SLC15A3: variants seen among roughly 807,000 people sequenced by gnomAD.
SLC15A3 encodes the protein solute carrier family 15 member 3.
Under a neutral mutation model 49.2 loss-of-function variants are expected in SLC15A3, and 39 were observed. The ratio of observed to expected loss-of-function variants is 0.79; its 90% CI spans 0.61 to 1.04. The LOEUF (loss-of-function observed/expected upper bound fraction) is 1.04, where lower values mean the gene tolerates loss of function less well. SLC15A3 is among the 50% of genes least tolerant of loss of function. SLC15A3 has a pLI of 0.00. For synonymous variants in SLC15A3, 339 were observed against 367.0 expected, an observed-to-expected ratio of 0.92 and a Z score of 0.87; for missense variants, 758 against 794.8, an observed-to-expected ratio of 0.95 and a Z score of 0.56.
intron 5 of SLC15A3, chr11:60,940,190 C>T: frequency 6.4e-6 from 1 of 156,074 alleles, no homozygotes; most frequent in Non-Finnish European, 1.4e-5. Context: ...TAGCTGTGCT[C>T]TAGTGGAATG....
At chr11:60,949,552 G>GAAAGAAAC (rs1856873081) in intron 1 of SLC15A3, among the ~76,000 whole-genome samples, 1 of 76,968 alleles carries the variant, frequency 1.3e-5, no homozygotes, top group African/African-American at 2.8e-5. Flanking sequence ...AAGAAAGAAA[G>GAAAGAAAC]AAAGAAAGAA....
intron 1 of SLC15A3, among the ~76,000 whole-genome samples, chr11:60,947,237 T>A (rs933651783): frequency 6.6e-6 from 1 of 152,066 alleles, no homozygotes; most frequent in Non-Finnish European, 1.5e-5. Context: ...TGGAGTGCAG[T>A]GGCACAATCT....
chr11:60,950,083 C>G (rs1289567526), intron 1 of SLC15A3, among the ~76,000 whole-genome samples: 1 of 152,152 alleles, frequency 6.6e-6, no homozygotes, highest in African/African-American at 2.4e-5. Context: ...CAAGGGGGAA[C>G]GGAGAAAGGC....
intron 7 of SLC15A3, 100 bp from the exon 8 acceptor site, chr11:60,937,473 T>C: frequency 2.0e-6 from 3 of 1,487,850 alleles, no homozygotes; most frequent in Non-Finnish European, 1.9e-6. Context: ...ACTGAGGCCA[T>C]GTGGGCAGTG....
intron 2 of SLC15A3, among the ~76,000 whole-genome samples, chr11:60,945,194 C>A (rs1017946074): frequency 7.9e-5 from 12 of 152,080 alleles, no homozygotes; most frequent in Admixed American, 3.3e-4. Flanking sequence ...CCTCTTGGAA[C>A]CCTCACACGA....
At position 60,951,276 on chromosome 11, in the gene SLC15A3, C is replaced by A; in HGVS notation, c.276G>T (p.Trp92Cys). Residue 92 changes from tryptophan (W) to cysteine (C), a missense_variant, in exon 1 of 8, where the codon TGG becomes TGT. Coordinates refer to ENST00000227880, the MANE Select transcript of SLC15A3 (RefSeq NM_016582.3). The stretch of plus-strand genomic sequence containing the variant: ...AGCGGCCCAGGTACACGTCGGCCAG[C>A]CAGCCGCCCACGGGCGCCAGCAGGT... ...ASYLLAPVGGWLADVYLGRYR... is the reference protein window; with the variant it reads ...ASYLLAPVGGCLADVYLGRYR... The A allele has an allele frequency of 6.6e-7, 1 of 1,515,770 alleles. No homozygotes were observed. The highest frequency in any genetic ancestry group is 8.8e-7 in the Non-Finnish European group (1 of 1,134,372). The allele number at this position is 1,515,770 out of a possible 1,614,324, so 93.9% of individuals were successfully genotyped here.
chr11:60,939,710 A>G (rs929421287), intron 5 of SLC15A3, 72 bp from the exon 6 acceptor site: 36 of 1,538,332 alleles, frequency 2.3e-5, no homozygotes, highest in Admixed American at 7.4e-5. Context: ...GAGCTTGTAC[A>G]TGGTGGGGAT....
chr11:60,948,315 A>G (rs1856834231), intron 1 of SLC15A3, among the ~76,000 whole-genome samples: 1 of 152,216 alleles, frequency 6.6e-6, no homozygotes, highest in Admixed American at 6.5e-5. Flanking sequence ...AGCCACTTCC[A>G]TTTATTAATT....
chr11:60,943,386 G>A (rs1009942597), intron 3 of SLC15A3: 7 of 210,712 alleles, frequency 3.3e-5, no homozygotes, highest in Non-Finnish European at 5.6e-5. Flanking sequence ...CAGGCCCAGA[G>A]AGATGAGGTG....
intron 1 of SLC15A3, among the ~76,000 whole-genome samples, chr11:60,948,026 C>G (rs1252848381): frequency 3.3e-5 from 5 of 152,254 alleles, no homozygotes; most frequent in Non-Finnish European, 7.3e-5. Context: ...CTGCAAATCT[C>G]AGGATCCATT....
intron 1 of SLC15A3, among the ~76,000 whole-genome samples, chr11:60,948,308 C>T (rs1856834132): frequency 6.6e-6 from 1 of 152,168 alleles, no homozygotes; most frequent in Non-Finnish European, 1.5e-5. Flanking sequence ...TAGAAGCAGC[C>T]ACTTCCATTT....
intron 6 of SLC15A3, 44 bp downstream of exon 6, chr11:60,939,436 G>A: frequency 6.2e-7 from 1 of 1,606,618 alleles, no homozygotes; most frequent in South Asian, 1.1e-5. Context: ...CCACCGGGCA[G>A]AGCCCATCAC....
chr11:60,937,472 A>G, intron 7 of SLC15A3, 99 bp from the exon 8 acceptor site: 2 of 1,495,040 alleles, frequency 1.3e-6, no homozygotes, highest in Non-Finnish European at 1.8e-6. Flanking sequence ...AACTGAGGCC[A>G]TGTGGGCAGT....
chr11:60,939,865 A>G (rs1001422974), intron 5 of SLC15A3: 9 of 554,666 alleles, frequency 1.6e-5, no homozygotes, highest in African/African-American at 1.5e-4. Flanking sequence ...TTTGCACTCA[A>G]TAACACTAAC....
chr11:60,946,876 G>A, intron 1 of SLC15A3, 55 bp from the exon 2 acceptor site: 2 of 1,544,474 alleles, frequency 1.3e-6, no homozygotes, highest in Non-Finnish European at 1.7e-6. Context: ...GGCACTCTCT[G>A]TACCCATACC....
In SLC15A3 at chr11:60,937,195, C is replaced by T; in HGVS notation, c.*24G>A. On this transcript the variant is annotated 3_prime_UTR_variant, in exon 8 of 8. Coordinates refer to ENST00000227880, the MANE Select transcript of SLC15A3 (RefSeq NM_016582.3). ...CTGCCGTCTGTCCGGTAGAGTGAAG[C>T]AAGGGGGCTGGAATAGGGCCTGTTC... 1.2e-6 allele frequency: 2 copies of T among 1,604,164 alleles called. No individual in the cohort carries two copies. Among genetic ancestry groups the T allele is most frequent in the South Asian group, 1.1e-5 (1 of 90,760 alleles).
intron 1 of SLC15A3, among the ~76,000 whole-genome samples, chr11:60,947,177 C>T (rs1398053394): frequency 1.9e-5 from 2 of 104,234 alleles, no homozygotes; most frequent in African/African-American, 6.7e-5. Flanking sequence ...GCAACCTACA[C>T]TATTCATTAT....
intron 4 of SLC15A3, chr11:60,941,492 T>C (rs1856708511): frequency 1.9e-6 from 1 of 518,640 alleles, no homozygotes. Flanking sequence ...TATTCTAACT[T>C]TTATCAATTG....
At chr11:60,941,824 GC>G (rs2134927641) in intron 4 of SLC15A3, 1 of 553,968 alleles carries the variant, frequency 1.8e-6, no homozygotes, top group Non-Finnish European at 3.2e-6. Context: ...GGGGTGTGCA[GC>G]TGGCCTGAAT....
Sources: gnomAD v4.1 joint callset for allele counts (sites outside exome capture counted in the v4.1 genomes callset) on GRCh38, gnomAD v4.1.1 for gene constraint, MANE v1.5 for transcripts, NCBI Gene and HGNC (gene_info 2026-07-23, HGNC 2026-07-21) for gene names.